Variants in LPAR1 observed in about 807,000 individuals in gnomAD.
LPAR1 encodes the protein lysophosphatidic acid receptor 1.
In LPAR1, 5 loss-of-function variants were observed where a neutral mutation model predicts 23.8. The observed-to-expected ratio is 0.21, with a 90% CI of 0.11 to 0.44. LPAR1 has a LOEUF of 0.44. Among genes scored for constraint, LPAR1 ranks in the 20% least tolerant of loss-of-function variants. The probability of loss-of-function intolerance (pLI) is 0.99; values close to 1 mark genes in which losing one functional copy is unlikely to be tolerated. For synonymous variants in LPAR1, 160 were observed against 164.7 expected, an observed-to-expected ratio of 0.97 and a Z score of 0.22; for missense variants, 311 against 482.8, an observed-to-expected ratio of 0.64 and a Z score of 3.33.
chr9:111,005,151 C>CAAA lies in LPAR1; in HGVS notation c.-182+30968_-182+30970dup, dbSNP rs71371700. ...TACTCTAGCCTGGGTGACAAAGTCT[C>CAAA]AAAAAAAAAAAAAAAAAAAAAAAAG... On this transcript the variant is annotated intron_variant, in intron 2 of 5. Transcript: ENST00000683809. Among the ~76,000 whole-genome samples the CAAA allele has an allele frequency of 4.3e-3, 323 of 74,260 alleles. 3 individuals are homozygous for CAAA. The highest frequency in any genetic ancestry group is 0.016 in the African/African-American group (298 of 18,718). The allele number at this position is 74,260 out of a possible 152,430, so 48.7% of individuals were successfully genotyped here.
chr9:110,921,053 T>G (rs956309974), intron 5 of LPAR1, among the ~76,000 whole-genome samples: 1 of 152,228 alleles, frequency 6.6e-6, no homozygotes, highest in South Asian at 2.1e-4. Flanking sequence ...GGAGAATCCC[T>G]TGAGCCCAGG....
intron 3 of LPAR1, among the ~76,000 whole-genome samples, chr9:110,973,255 A>G (rs1416787078): frequency 6.6e-6 from 1 of 152,224 alleles, no homozygotes; most frequent in Non-Finnish European, 1.5e-5. Context: ...AATACCGTCA[A>G]GTGATTAGAT....
chr9:110,912,733 C>T (rs769263572), intron 5 of LPAR1, among the ~76,000 whole-genome samples: 2 of 151,976 alleles, frequency 1.3e-5, no homozygotes, highest in Admixed American at 6.6e-5. Flanking sequence ...TTTTTCATGA[C>T]GCAAACAGTG....
At chr9:110,924,348 T>C (rs1040927758) in intron 5 of LPAR1, among the ~76,000 whole-genome samples, 1 of 152,202 alleles carries the variant, frequency 6.6e-6, no homozygotes, top group South Asian at 2.1e-4. Flanking sequence ...AATGGCATAA[T>C]AAATGCTCAA....
In LPAR1 at chr9:110,948,532, A is replaced by G. The variant is rs927479684; in HGVS notation, c.46-6364T>C. Among the ~76,000 whole-genome samples the G allele has an allele frequency of 2.0e-5, 3 of 152,246 alleles. 1 individual carries two copies. The South Asian group carries it at 6.2e-4, about 31-fold the overall frequency. On this transcript the variant is annotated intron_variant, in intron 4 of 5. Transcript: ENST00000683809. Reference sequence around the variant, plus strand: ...GCAACACATAAATTGTAAGTTAATAAAAGTACTTTTTATCTATTATAGCCC... The same window carrying G: ...GCAACACATAAATTGTAAGTTAATAGAAGTACTTTTTATCTATTATAGCCC...
intron 2 of LPAR1, chr9:110,999,259 A>G (rs2097082682): frequency 3.8e-6 from 1 of 263,704 alleles, no homozygotes; most frequent in Non-Finnish European, 7.7e-6. Context: ...ATTTATAAGA[A>G]CCTGGGAGTA....
At chr9:110,963,588 A>C (rs2096080220) in intron 4 of LPAR1, among the ~76,000 whole-genome samples, 1 of 152,180 alleles carries the variant, frequency 6.6e-6, no homozygotes. Flanking sequence ...CAGAACACCA[A>C]CATGGCACAT....
intron 5 of LPAR1, among the ~76,000 whole-genome samples, chr9:110,910,935 T>C (rs1422572934): frequency 6.6e-6 from 1 of 152,238 alleles, no homozygotes; most frequent in Non-Finnish European, 1.5e-5. Context: ...TCTCTGGAGA[T>C]AGAATATATT....
intron 4 of LPAR1, among the ~76,000 whole-genome samples, chr9:110,951,545 T>C (rs2095568968): frequency 1.3e-5 from 2 of 152,098 alleles, no homozygotes; most frequent in South Asian, 4.2e-4. Flanking sequence ...GAAAATTACA[T>C]TTACAGGGAA....
chr9:110,883,218 T>G (rs2081352522), intron 5 of LPAR1, among the ~76,000 whole-genome samples: 3 of 152,118 alleles, frequency 2.0e-5, no homozygotes, highest in Admixed American at 1.3e-4. Flanking sequence ...GTATTTTTAG[T>G]AGAGTTGGGC....
At chr9:110,971,551 G>GA (rs2096419369) in intron 4 of LPAR1, among the ~76,000 whole-genome samples, 1 of 152,006 alleles carries the variant, frequency 6.6e-6, no homozygotes, top group African/African-American at 2.4e-5. Context: ...TCACTGGACA[G>GA]AAAAAAATAA....
rs57079920 is a variant in LPAR1, at chr9:111,015,788, C to G, written c.-182+20334G>C. ...TTCATAAATAACTTTTTTTAAAAAG[C>G]TATTCTAGTCCCTTCTACCTGCAAC... is the stretch of plus-strand genomic sequence containing the variant. On this transcript the variant is annotated intron_variant, in intron 2 of 5. Coordinates refer to ENST00000683809, the MANE Select transcript of LPAR1 (RefSeq NM_001351411.2). 2.6e-3 allele frequency among the ~76,000 whole-genome samples: 398 copies of G among 151,760 alleles called. 2 individuals carry two copies. The highest frequency in any genetic ancestry group is 9.3e-3 in the African/African-American group (384 of 41,360).
chr9:111,030,728 C>T (rs777544759), intron 2 of LPAR1, among the ~76,000 whole-genome samples: 18 of 152,164 alleles, frequency 1.2e-4, no homozygotes, highest in Non-Finnish European at 2.2e-4. Flanking sequence ...TTCCCGTTTA[C>T]AATAGCCAGA....
At chr9:110,894,012 G>T (rs2085420586) in intron 5 of LPAR1, among the ~76,000 whole-genome samples, 1 of 152,058 alleles carries the variant, frequency 6.6e-6, no homozygotes, top group Non-Finnish European at 1.5e-5. Flanking sequence ...AATTAGAAAT[G>T]CTTCAATGGA....
rs186047787 is a variant in LPAR1, at chr9:110,901,469, A to G, written c.794-25747T>C. 5.9e-5 allele frequency among the ~76,000 whole-genome samples: 9 copies of G among 152,340 alleles called. No homozygotes were observed. The East Asian group carries it at 1.5e-3, about 26-fold the overall frequency. On this transcript the variant is annotated intron_variant, in intron 5 of 5. Coordinates refer to ENST00000683809, the MANE Select transcript of LPAR1 (RefSeq NM_001351411.2). ...ACAGGTTTAATGGACTCACAGTTCC[A>G]TATAGTTAGGGAGGCCTCACAACCA...
chr9:111,023,924 A>C (rs540755590), intron 2 of LPAR1, among the ~76,000 whole-genome samples: 2 of 152,372 alleles, frequency 1.3e-5, no homozygotes, highest in Admixed American at 1.3e-4. Context: ...TTTGAAAGCC[A>C]CTGAACTAAA....
At chr9:111,031,615 G>C (rs1232058464) in intron 2 of LPAR1, among the ~76,000 whole-genome samples, 1 of 151,864 alleles carries the variant, frequency 6.6e-6, no homozygotes, top group African/African-American at 2.4e-5. Context: ...AAATAAGTCT[G>C]ACTTTCTACA....
At chr9:110,968,228 T>G (rs2096282948) in intron 4 of LPAR1, among the ~76,000 whole-genome samples, 1 of 152,192 alleles carries the variant, frequency 6.6e-6, no homozygotes, top group Non-Finnish European at 1.5e-5. Context: ...TTCTAGCACT[T>G]GCCGATTTCT....
chr9:110,913,318 G>A (rs1053558549), intron 5 of LPAR1, among the ~76,000 whole-genome samples: 5 of 152,128 alleles, frequency 3.3e-5, no homozygotes, highest in Admixed American at 6.5e-5. Flanking sequence ...TAGAGCATCT[G>A]TTAGATTAAA....
Sources: allele counts gnomAD v4.1 joint callset (sites outside exome capture counted in the v4.1 genomes callset), GRCh38; gene constraint gnomAD v4.1.1; transcripts MANE v1.5; gene names NCBI Gene and HGNC (gene_info 2026-07-23, HGNC 2026-07-21).